The following CHRFAM7A variants were observed in gnomAD, a reference collection of about 807,000 sequenced individuals.
CHRFAM7A encodes CHRNA7-FAM7A fusion protein.
CHRFAM7A carries 3 observed loss-of-function variants against 29.2 expected under a neutral mutation model. The ratio of observed to expected loss-of-function variants is 0.10; its 90% CI spans 0.05 to 0.27. The LOEUF (loss-of-function observed/expected upper bound fraction) is 0.27, where lower values mean the gene tolerates loss of function less well. Among genes scored for constraint, CHRFAM7A ranks in the 10% least tolerant of loss-of-function variants. The pLI is 1.00. For missense variants in CHRFAM7A, 22 were observed against 328.0 expected (o/e 0.07, Z 7.21); for synonymous variants, 7 against 135.4 (o/e 0.05, Z 6.58).
intron 5 of CHRFAM7A, among the ~76,000 whole-genome samples, chr15:30,373,445 A>C (rs557210989): frequency 0.011 from 1,430 of 132,912 alleles, 79 homozygotes; most frequent in East Asian, 0.085. Flanking sequence ...TCAGACTCTA[A>C]ATAATAAAAG....
At chr15:30,376,187 TGA>T (rs1390646038) in intron 5 of CHRFAM7A, among the ~76,000 whole-genome samples, 1 of 11,576 alleles carries the variant, frequency 8.6e-5, no homozygotes, top group Non-Finnish European at 2.3e-3. Context: ...GTGGTATGTG[TGA>T]GTGGCTGTGA....
rs1181077335 is a variant in CHRFAM7A at position 30,377,739 on chromosome 15, TA to T, written c.81-631del. ...ACAGGTGCACACCACCACACCTGGT[TA>T]ATTTTTTTGTATTTTTAGTAGAGAC... On this transcript the variant is annotated intron_variant, in intron 4 of 9. Coordinates refer to ENST00000299847, the MANE Select transcript of CHRFAM7A (RefSeq NM_139320.2). Among the ~76,000 whole-genome samples, 5 of 144,694 alleles carry T rather than the reference TA, an allele frequency of 3.5e-5. No homozygotes were observed. The East Asian group carries it at 1.0e-3, about 29-fold the overall frequency. The allele number at this position is 144,694 out of a possible 152,430, so 94.9% of individuals were successfully genotyped here. A position where few individuals can be genotyped will look rare whatever the true frequency, so the allele number is the denominator to read the frequency against.
At chr15:30,367,080 G>A (rs533061830) in intron 9 of CHRFAM7A, among the ~76,000 whole-genome samples, 10 of 150,106 alleles carry the variant, frequency 6.7e-5, no homozygotes, top group South Asian at 2.1e-4. Flanking sequence ...TCAGGAGTTC[G>A]ACATCAGCCT....
intron 9 of CHRFAM7A, among the ~76,000 whole-genome samples, chr15:30,367,099 T>C (rs2058793924): frequency 6.7e-6 from 1 of 150,052 alleles, no homozygotes. Flanking sequence ...CTGGCCAACA[T>C]AGTGAAACCC....
At chr15:30,374,221 C>T (rs1267573028) in intron 5 of CHRFAM7A, among the ~76,000 whole-genome samples, 2 of 92,576 alleles carry the variant, frequency 2.2e-5, no homozygotes, top group Admixed American at 1.2e-4. Context: ...GGCACAGACT[C>T]GGTGTCCAGG....
chr15:30,363,245 G>A (rs1422910112), intron 9 of CHRFAM7A, among the ~76,000 whole-genome samples: 1 of 145,850 alleles, frequency 6.9e-6, no homozygotes, highest in African/African-American at 2.6e-5. Flanking sequence ...GTGTCTGGGG[G>A]AGGTTGTACA....
Position 30,364,448 on chromosome 15 carries a change from G to A in CHRFAM7A, c.721-1637C>T, listed in dbSNP as rs1436669467. ...GGTGAAACCTTGGGTGAGTTGGGCC[G>A]TCCATACAAGGCTCATGAGATAAGT... is the stretch of plus-strand genomic sequence containing the variant. On this transcript the variant is annotated intron_variant, in intron 9 of 9. Coordinates refer to ENST00000299847, the MANE Select transcript of CHRFAM7A (RefSeq NM_139320.2). 2.8e-4 allele frequency among the ~76,000 whole-genome samples: 3 copies of A among 10,640 alleles called. 1 individual carries two copies. The highest frequency in any genetic ancestry group is 3.0e-4 in the African/African-American group (3 of 10,024). The allele number at this position is 10,640 out of a possible 152,430, so 7.0% of individuals were successfully genotyped here. A position where few individuals can be genotyped will look rare whatever the true frequency, so the allele number is the denominator to read the frequency against.
intron 8 of CHRFAM7A, among the ~76,000 whole-genome samples, 169 bp downstream of exon 8, chr15:30,370,929 C>A (rs551696707): frequency 1.2e-3 from 185 of 151,832 alleles, no homozygotes; most frequent in African/African-American, 4.3e-3. Context: ...TATCCCCTTC[C>A]CCTTACTTGG....
At chr15:30,375,674 GTGTGTC>G (rs2058919723) in intron 5 of CHRFAM7A, among the ~76,000 whole-genome samples, 1 of 147,908 alleles carries the variant, frequency 6.8e-6, no homozygotes, top group African/African-American at 2.5e-5. Flanking sequence ...AGGGGTGTGT[GTGTGTC>G]TGGTGTGTGT....
chr15:30,369,490 A>C (rs404331), intron 8 of CHRFAM7A, among the ~76,000 whole-genome samples: 4 of 101,820 alleles, frequency 3.9e-5, no homozygotes, highest in African/African-American at 1.6e-4. Flanking sequence ...AAAGCATCAG[A>C]GTGCAGGGCG....
intron 9 of CHRFAM7A, among the ~76,000 whole-genome samples, chr15:30,363,248 G>T (rs2058760916): frequency 6.8e-6 from 1 of 145,998 alleles, no homozygotes; most frequent in Admixed American, 6.9e-5. Context: ...TCTGGGGGAG[G>T]TTGTACATTT....
chr15:30,371,268 C>T, intron 7 of CHRFAM7A, 84 bp from the exon 8 acceptor site: 1 of 697,050 alleles, frequency 1.4e-6, no homozygotes, highest in Non-Finnish European at 2.5e-6. Flanking sequence ...CCTAACCTGA[C>T]ACTCAAAAGA....
chr15:30,367,065 C>T (rs564058791), intron 9 of CHRFAM7A, among the ~76,000 whole-genome samples: 4 of 149,834 alleles, frequency 2.7e-5, no homozygotes, highest in South Asian at 2.1e-4. Flanking sequence ...GGGCAGATCA[C>T]GAGGTCAGGA....
intron 9 of CHRFAM7A, among the ~76,000 whole-genome samples, chr15:30,366,892 GT>G (rs1444171661): frequency 1.3e-5 from 2 of 148,540 alleles, no homozygotes; most frequent in African/African-American, 5.0e-5. Flanking sequence ...CTACTCTGCA[GT>G]TAGATTAGAC....
intron 5 of CHRFAM7A, among the ~76,000 whole-genome samples, chr15:30,375,667 GGTGT>G (rs773666280): frequency 4.8e-5 from 7 of 146,980 alleles, no homozygotes; most frequent in Admixed American, 1.3e-4. Context: ...GTGTGTGAGG[GGTGT>G]GTGTGTGTCT....
chr15:30,376,124 GGTGT>G, intron 5 of CHRFAM7A, among the ~76,000 whole-genome samples: 1 of 147,698 alleles, frequency 6.8e-6, no homozygotes, highest in East Asian at 2.0e-4. Context: ...AGTACTGAGT[GGTGT>G]GTGTGTGTGA....
At chr15:30,363,110 A>G (rs1015816471) in intron 9 of CHRFAM7A, among the ~76,000 whole-genome samples, 1 of 151,318 alleles carries the variant, frequency 6.6e-6, no homozygotes, top group South Asian at 2.1e-4. Context: ...TGAGCTGTGT[A>G]AAGAGGGAAA....
At position 30,370,897 on chromosome 15, in the gene CHRFAM7A, A is replaced by C. The variant is rs200909279; in HGVS notation, c.610+201T>G. On this transcript the variant is annotated intron_variant, in intron 8 of 9. Transcript: ENST00000299847. ...GGAAGGGGGGCATTTCTGTGAGATA[A>C]AAGTCAAACCTCAAAGCTGAATATC... Among the ~76,000 whole-genome samples, 122 of 151,712 alleles carry C rather than the reference A, an allele frequency of 8.0e-4. No homozygotes were observed. The East Asian group carries it at 0.023, about 28-fold the overall frequency.
At chr15:30,379,273 G>A (rs1249211360) in intron 4 of CHRFAM7A, among the ~76,000 whole-genome samples, 26 of 76,894 alleles carry the variant, frequency 3.4e-4, no homozygotes, top group East Asian at 1.3e-3. Flanking sequence ...GCGCGGTGGC[G>A]GGCGCCTGTA....
Sources: allele counts gnomAD v4.1 joint callset (sites outside exome capture counted in the v4.1 genomes callset), GRCh38; gene constraint gnomAD v4.1.1; transcripts MANE v1.5; gene names NCBI Gene and HGNC (gene_info 2026-07-23, HGNC 2026-07-21).